The following KLHL24 variants were observed in gnomAD, a reference collection of about 807,000 sequenced individuals.
KLHL24 encodes kelch like family member 24, also known as kelch-like protein 24.
In KLHL24, 29 loss-of-function variants were observed where a neutral mutation model predicts 53.4. The observed-to-expected ratio is 0.54, with a 90% CI of 0.40 to 0.74. The LOEUF (loss-of-function observed/expected upper bound fraction) is 0.74. KLHL24 is among the 30% of genes least tolerant of loss of function. KLHL24 has a pLI of 0.00. For missense variants in KLHL24, 504 were observed against 744.0 expected (o/e 0.68, Z 3.75); for synonymous variants, 222 against 253.7 (o/e 0.88, Z 1.19).
At chr3:183,667,801 G>C (rs9821336) in intron 5 of KLHL24, among the ~76,000 whole-genome samples, 50,525 of 151,516 alleles carry the variant, frequency 0.33, 9,226 homozygotes, top group African/African-American at 0.49. Flanking sequence ...ACTGCAGCCT[G>C]GACATCCTGG....
At chr3:183,639,513 C>T (rs1160344446) in intron 1 of KLHL24, among the ~76,000 whole-genome samples, 1 of 151,054 alleles carries the variant, frequency 6.6e-6, no homozygotes, top group Non-Finnish European at 1.5e-5. Context: ...GCCTGTAGTC[C>T]CAGCTACTCG....
At chr3:183,674,295 C>CTTTCT (rs1223706224) in intron 7 of KLHL24, among the ~76,000 whole-genome samples, 4 of 147,614 alleles carry the variant, frequency 2.7e-5, no homozygotes, top group Admixed American at 2.0e-4. Flanking sequence ...TTCTTTCTTT[C>CTTTCT]TTTCTTTCCT....
Position 183,650,608 on chromosome 3 carries a change from C to T in KLHL24, c.252C>T (p.Leu84=). The T allele has an allele frequency of 1.2e-6, 2 of 1,614,178 alleles. No individual in the cohort carries two copies. Among genetic ancestry groups the T allele is most frequent in the Non-Finnish European group, 1.7e-6 (2 of 1,180,028 alleles). Residue 84 remains leucine, a synonymous_variant, in exon 3 of 8, where the codon CTC becomes CTT. Transcript: ENST00000242810. The surrounding 1 kb of genome is among the most constrained non-coding windows in gnomAD (Gnocchi z 4.5). ...GKEFPCHRAV[L]SACSSYFRAM... ...AATTTCCTTGCCATAGAGCTGTGCTCTCAGCCTGTAGCAGCTACTTCAGAG... is the reference window on the plus strand; with the variant it reads ...AATTTCCTTGCCATAGAGCTGTGCTTTCAGCCTGTAGCAGCTACTTCAGAG...
Position 183,635,662 on chromosome 3 carries a change from C to G in KLHL24, c.-256C>G, listed in dbSNP as rs1714987077. ...CAGAGACTGGTGGCTGGAGGAGACG[C>G]CGGCGCTGGAGAGTGCGCTGCGCCG... On this transcript the variant is annotated 5_prime_UTR_variant, in exon 1 of 8. Transcript: ENST00000242810. 1 of 152,762 alleles carries G rather than the reference C, an allele frequency of 6.5e-6. No homozygotes were observed. The highest frequency in any genetic ancestry group is 1.5e-5 in the Non-Finnish European group (1 of 68,518). 9.5% of individuals were successfully genotyped at this position (152,762 alleles called of 1,614,324 possible).
chr3:183,672,356 A>G lies in KLHL24; in HGVS notation c.1474A>G (p.Lys492Glu). Reference protein sequence around the residue: ...WLLRAAIPIAKRCITAVSLNN... With the variant: ...WLLRAAIPIAERCITAVSLNN... ...ACTTCGTGCAGCTATCCCAATTGCC[A>G]AAAGGTGTATAACAGCTGTATCCCT... Residue 492 changes from lysine (K) to glutamate (E), a missense_variant, in exon 7 of 8, where the codon AAA (lysine) becomes GAA (glutamate). Coordinates refer to ENST00000242810, the MANE Select transcript of KLHL24 (RefSeq NM_017644.3). 6.2e-7 allele frequency: 1 copy of G among 1,611,684 alleles called. No individual in the cohort carries two copies. The highest frequency in any genetic ancestry group is 8.5e-7 in the Non-Finnish European group (1 of 1,178,594).
chr3:183,676,723 A>G (rs1711947775), intron 7 of KLHL24, among the ~76,000 whole-genome samples: 1 of 152,152 alleles, frequency 6.6e-6, no homozygotes, highest in Non-Finnish European at 1.5e-5. Flanking sequence ...TGTCAGGAAC[A>G]TCCTTTAAAA....
rs1715592141 is a variant in KLHL24, at chr3:183,637,819, C to T, written c.-125+2026C>T. Among the ~76,000 whole-genome samples, 4 of 152,132 alleles carry T rather than the reference C, an allele frequency of 2.6e-5. No homozygotes were observed. In the South Asian group the frequency reaches 8.3e-4, roughly 31 times the overall value. On this transcript the variant is annotated intron_variant, in intron 1 of 7. Transcript: ENST00000242810. ...GATGACAGGCGCCCGCCACCACGCCCGGCTAGTTTTTGTATGTTTAGTAGG... is the reference window on the plus strand; with the variant it reads ...GATGACAGGCGCCCGCCACCACGCCTGGCTAGTTTTTGTATGTTTAGTAGG...
At chr3:183,648,146 A>G (rs1280796220) in intron 2 of KLHL24, among the ~76,000 whole-genome samples, 1 of 152,256 alleles carries the variant, frequency 6.6e-6, no homozygotes, top group Non-Finnish European at 1.5e-5. Context: ...AAGCTGCAAT[A>G]TTAAGTAAAT....
Position 183,651,296 on chromosome 3 carries a change from A to G in KLHL24, c.920+20A>G. On this transcript the variant is annotated intron_variant, in intron 3 of 7. Coordinates refer to ENST00000242810, the MANE Select transcript of KLHL24 (RefSeq NM_017644.3). Reference sequence around the variant, plus strand: ...ACGCAGGTGAGAAGACTGTTTTCAAATATAGTTAACAAAAGTTTTTAATAT... The same window carrying G: ...ACGCAGGTGAGAAGACTGTTTTCAAGTATAGTTAACAAAAGTTTTTAATAT... 1 of 1,584,934 alleles carries G rather than the reference A, an allele frequency of 6.3e-7. No individual in the cohort carries two copies. Among genetic ancestry groups the G allele is most frequent in the Non-Finnish European group, 8.6e-7 (1 of 1,162,704 alleles).
chr3:183,675,750 C>G (rs1711725926), intron 7 of KLHL24, among the ~76,000 whole-genome samples: 1 of 149,676 alleles, frequency 6.7e-6, no homozygotes, highest in Non-Finnish European at 1.5e-5. Flanking sequence ...CTGGGTGACA[C>G]AGTGAGACCC....
At chr3:183,659,134 GGTT>G (rs1719329709) in intron 3 of KLHL24, among the ~76,000 whole-genome samples, 2 of 131,844 alleles carry the variant, frequency 1.5e-5, no homozygotes, top group Admixed American at 1.5e-4. Context: ...GCCATTTGTA[GGTT>G]GTTGATTTTT....
intron 1 of KLHL24, among the ~76,000 whole-genome samples, chr3:183,639,396 CAA>C: frequency 6.6e-6 from 1 of 151,578 alleles, no homozygotes; most frequent in East Asian, 2.0e-4. Flanking sequence ...TTTGGGAGGC[CAA>C]GGCGGGCAGA....
intron 3 of KLHL24, among the ~76,000 whole-genome samples, chr3:183,651,824 C>T (rs867167605): frequency 6.6e-6 from 1 of 152,030 alleles, no homozygotes; most frequent in Non-Finnish European, 1.5e-5. Flanking sequence ...TGGCACGGAC[C>T]TGTAGTCCCA....
chr3:183,667,902 A>G (rs567810692), intron 5 of KLHL24, among the ~76,000 whole-genome samples: 2 of 151,560 alleles, frequency 1.3e-5, no homozygotes, highest in African/African-American at 4.8e-5. Context: ...TTGTGGAGAT[A>G]ATGTTTTATC....
In KLHL24 at chr3:183,664,996, A is replaced by T. The variant is rs765278644; in HGVS notation, c.1181A>T (p.Asn394Ile). ...LNIWIRVASL[N>I]KGRWRHKMAV... ...ATTTGGATCAGAGTTGCCTCTCTCA[A>T]TAAAGGCAGATGGCGTCACAAAATG... is the stretch of plus-strand genomic sequence containing the variant. Residue 394 changes from asparagine to isoleucine, a missense_variant, in exon 5 of 8, where the codon AAT (asparagine) becomes ATT (isoleucine). Transcript: ENST00000242810. The T allele has an allele frequency of 1.9e-6, 3 of 1,612,060 alleles. 1 individual carries two copies. In the South Asian group the frequency reaches 3.3e-5, roughly 18 times the overall value.
At chr3:183,670,449 A>G (rs1721178783) in intron 5 of KLHL24, among the ~76,000 whole-genome samples, 1 of 152,222 alleles carries the variant, frequency 6.6e-6, no homozygotes, top group Non-Finnish European at 1.5e-5. Flanking sequence ...ATTTGTGAAA[A>G]GAAAATGTAC....
intron 3 of KLHL24, among the ~76,000 whole-genome samples, chr3:183,651,998 AAC>A (rs1178648591): frequency 7.2e-5 from 11 of 152,160 alleles, no homozygotes; most frequent in African/African-American, 2.2e-4. Context: ...CCTTTGTCCT[AAC>A]ACAGAAGCAT....
At chr3:183,676,384 C>T (rs905603540) in intron 7 of KLHL24, among the ~76,000 whole-genome samples, 7 of 152,196 alleles carry the variant, frequency 4.6e-5, no homozygotes, top group Non-Finnish European at 1.0e-4. Flanking sequence ...GCATGAGCCA[C>T]GGCACCTGGC....
rs1275749574 is a variant in KLHL24, at chr3:183,683,626, A to T, written c.*4340A>T. 1 of 152,630 alleles carries T rather than the reference A, an allele frequency of 6.6e-6. No homozygotes were observed. The highest frequency in any genetic ancestry group is 1.5e-5 in the Non-Finnish European group (1 of 68,032). The allele number at this position is 152,630 out of a possible 1,614,324, so 9.5% of individuals were successfully genotyped here. On this transcript the variant is annotated 3_prime_UTR_variant, in exon 8 of 8. Transcript: ENST00000242810. ...TTTTAATGTTTTATATGAACATTTTACATTTGTGTGATTGCCTTAGATATT... is the reference window on the plus strand; with the variant it reads ...TTTTAATGTTTTATATGAACATTTTTCATTTGTGTGATTGCCTTAGATATT...
Sources: gnomAD v4.1 joint callset for allele counts (sites outside exome capture counted in the v4.1 genomes callset) on GRCh38, gnomAD v4.1.1 for gene constraint, Gnocchi (gnomAD v3.1) non-coding constraint, MANE v1.5 for transcripts, NCBI Gene and HGNC (gene_info 2026-07-23, HGNC 2026-07-21) for gene names.